Variants in ATP2C2 observed in about 807,000 individuals in gnomAD.
ATP2C2 encodes the protein calcium-transporting ATPase type 2C member 2.
In ATP2C2, 171 loss-of-function variants were observed where a neutral mutation model predicts 110.8. The observed-to-expected ratio is 1.54, with a 90% CI of 1.36 to 1.75. ATP2C2 has a LOEUF of 1.75. Ranked by LOEUF, ATP2C2 falls within the 40% of genes most tolerant of loss-of-function variation. The pLI is 0.00. For missense variants in ATP2C2, 1,963 were observed against 1,235.0 expected, an observed-to-expected ratio of 1.59 and a Z score of -8.84; for synonymous variants, 804 against 508.4, an observed-to-expected ratio of 1.58 and a Z score of -7.82.
chr16:84,401,992 T>G (rs1337943493), intron 2 of ATP2C2, among the ~76,000 whole-genome samples: 2 of 151,106 alleles, frequency 1.3e-5, no homozygotes, highest in South Asian at 2.1e-4. Flanking sequence ...TTTCTGTGTC[T>G]TCTTCAGTTT....
chr16:84,446,968 C>T (rs529173794), intron 16 of ATP2C2, among the ~76,000 whole-genome samples: 20 of 152,274 alleles, frequency 1.3e-4, no homozygotes, highest in African/African-American at 4.6e-4. Context: ...GGTGCATCAG[C>T]GTGTGCACAC....
chr16:84,404,269 C>G lies in ATP2C2; in HGVS notation c.211-859C>G, dbSNP rs142847182. On this transcript the variant is annotated intron_variant, in intron 2 of 26. Transcript: ENST00000262429. ...GTCTTAAGACCCACAGTCAGCAAAG[C>G]GGGTTACATTAGCATCTCCAGTATT... 3.5e-3 allele frequency among the ~76,000 whole-genome samples: 526 copies of G among 152,320 alleles called. 2 individuals are homozygous for G. The highest frequency in any genetic ancestry group is 5.4e-3 in the Non-Finnish European group (370 of 68,022).
At chr16:84,390,439 C>A (rs1235809870) in intron 1 of ATP2C2, among the ~76,000 whole-genome samples, 1 of 152,234 alleles carries the variant, frequency 6.6e-6, no homozygotes, top group Non-Finnish European at 1.5e-5. Context: ...AAACCTTTCT[C>A]TTCTAGGCCG....
intron 1 of ATP2C2, among the ~76,000 whole-genome samples, chr16:84,375,863 GGA>G (rs1910220018): frequency 6.6e-6 from 1 of 151,796 alleles, no homozygotes; most frequent in African/African-American, 2.4e-5. Context: ...CAGAAAAAAA[GGA>G]GATGTGAAAA....
At chr16:84,461,125 G>A (rs750907952) in intron 24 of ATP2C2, 3 of 345,106 alleles carry the variant, frequency 8.7e-6, no homozygotes, top group Non-Finnish European at 1.6e-5. Flanking sequence ...TTTGAAATCT[G>A]CTAAATATCC....
rs1911022423 is a variant in ATP2C2 at position 84,459,337 on chromosome 16, A to G, written c.2284A>G (p.Met762Val). The G allele has an allele frequency of 6.2e-7, 1 of 1,614,180 alleles. No individual in the cohort carries two copies. The highest frequency in any genetic ancestry group is 8.5e-7 in the Non-Finnish European group (1 of 1,180,036). Residue 762 changes from methionine (M) to valine (V), a missense_variant, in exon 23 of 27, where the codon ATG becomes GTG. By Grantham distance (21) the Met-to-Val change is conservative. Transcript: ENST00000262429. Reference sequence around the variant, plus strand: ...CAACCTGCCCAGCCCCCTCAACGCCATGCAGATCCTATGGATCAACATCAT... The same window carrying G: ...CAACCTGCCCAGCCCCCTCAACGCCGTGCAGATCCTATGGATCAACATCAT... Reference protein sequence around the residue: ...VFNLPSPLNAMQILWINIIMD... With the variant: ...VFNLPSPLNAVQILWINIIMD...
At chr16:84,451,439 G>A (rs117975624) in intron 17 of ATP2C2, among the ~76,000 whole-genome samples, 1,800 of 152,306 alleles carry the variant, frequency 0.012, 21 homozygotes, top group Non-Finnish European at 0.018. Flanking sequence ...GTGCACCTGC[G>A]CAGGCCTGAG....
At chr16:84,421,354 G>A (rs569202046) in intron 7 of ATP2C2, among the ~76,000 whole-genome samples, 7 of 152,352 alleles carry the variant, frequency 4.6e-5, no homozygotes, top group Non-Finnish European at 8.8e-5. Context: ...GGCCACTGTC[G>A]TTCTTGGGGA....
intron 1 of ATP2C2, among the ~76,000 whole-genome samples, chr16:84,378,411 T>A (rs926783319): frequency 6.6e-6 from 1 of 152,168 alleles, no homozygotes; most frequent in African/African-American, 2.4e-5. Context: ...GGTGCAAGAA[T>A]GGAGGGCAGC....
At chr16:84,414,252 T>C (rs1431388647) in intron 6 of ATP2C2, among the ~76,000 whole-genome samples, 2 of 152,066 alleles carry the variant, frequency 1.3e-5, no homozygotes, top group East Asian at 3.9e-4. Context: ...CCAAGAAAAG[T>C]ATATTGTCTC....
chr16:84,406,573 C>G (rs867794604), intron 3 of ATP2C2: 29 of 985,368 alleles, frequency 2.9e-5, no homozygotes, highest in East Asian at 1.1e-4. Flanking sequence ...GAGGTCCCCT[C>G]CCTGATCAAG....
At chr16:84,369,054 T>C (rs1909799922) in intron 1 of ATP2C2, among the ~76,000 whole-genome samples, 1 of 152,250 alleles carries the variant, frequency 6.6e-6, no homozygotes, top group African/African-American at 2.4e-5. Context: ...TTCCTGGGTC[T>C]CCAGACTTGG....
chr16:84,400,612 C>T (rs1282290689), intron 2 of ATP2C2, among the ~76,000 whole-genome samples: 1 of 152,202 alleles, frequency 6.6e-6, no homozygotes, highest in Non-Finnish European at 1.5e-5. Context: ...CAGGCATGAG[C>T]CACCGCGCCC....
At chr16:84,374,459 C>T (rs1020923347) in intron 1 of ATP2C2, among the ~76,000 whole-genome samples, 6 of 152,172 alleles carry the variant, frequency 3.9e-5, no homozygotes, top group Admixed American at 3.9e-4. Flanking sequence ...GTCATTGAAA[C>T]ACATTCAAGG....
At chr16:84,449,350 A>G (rs1463239051) in intron 17 of ATP2C2, among the ~76,000 whole-genome samples, 3 of 152,214 alleles carry the variant, frequency 2.0e-5, no homozygotes, top group Admixed American at 6.5e-5. Context: ...GGCACAGTGA[A>G]GCCAGCGCCG....
intron 11 of ATP2C2, among the ~76,000 whole-genome samples, chr16:84,433,706 C>T (rs1362502452): frequency 2.7e-5 from 4 of 150,828 alleles, no homozygotes; most frequent in African/African-American, 4.9e-5. Context: ...ACACACACAC[C>T]CTCCTGCCAA....
At chr16:84,460,020 C>T (rs1187847927) in intron 23 of ATP2C2, 2 of 221,190 alleles carry the variant, frequency 9.0e-6, no homozygotes, top group Non-Finnish European at 1.8e-5. Flanking sequence ...CGTATGAGCA[C>T]AGAGCCAGTG....
chr16:84,408,340 A>G (rs1905960421), intron 3 of ATP2C2, 65 bp from the exon 4 acceptor site: 25 of 1,485,006 alleles, frequency 1.7e-5, no homozygotes, highest in South Asian at 1.6e-4. Flanking sequence ...ACTTCTGCAC[A>G]GTAAGAAACC....
chr16:84,439,593 C>T (rs571611013), intron 13 of ATP2C2, 69 bp downstream of exon 13: 9 of 1,343,070 alleles, frequency 6.7e-6, no homozygotes, highest in Non-Finnish European at 9.6e-6. Context: ...CTAAACTAAG[C>T]ACACAATGTC....
Sources: gnomAD v4.1 joint callset for allele counts (sites outside exome capture counted in the v4.1 genomes callset) on GRCh38, gnomAD v4.1.1 for gene constraint, MANE v1.5 for transcripts, NCBI Gene and HGNC (gene_info 2026-07-23, HGNC 2026-07-21) for gene names.